DUSP3: variants seen among roughly 807,000 people sequenced by gnomAD.
DUSP3 encodes dual specificity phosphatase 3.
A neutral mutation model predicts 15.5 loss-of-function variants in DUSP3; 7 were observed. The observed-to-expected ratio is 0.45, with a 90% confidence interval of 0.26 to 0.85. The LOEUF is 0.85. DUSP3 is among the 40% of genes least tolerant of loss of function. The pLI is 0.18. For synonymous variants in DUSP3, 86 were observed against 104.2 expected, an observed-to-expected ratio of 0.83 and a Z score of 1.07; for missense variants, 209 against 251.7, an observed-to-expected ratio of 0.83 and a Z score of 1.15.
rs1363780503 is a variant in DUSP3 at position 43,766,719 on chromosome 17, G to C, written c.*2890C>G. On this transcript the variant is annotated 3_prime_UTR_variant, in exon 3 of 3. Coordinates refer to ENST00000226004, the MANE Select transcript of DUSP3 (RefSeq NM_004090.4). Reference sequence around the variant, plus strand: ...AAAAGGGGACCTTAGAGGTCTTCTAGATGAGTCCCCTCATTTGTAGGTGGT... The same window carrying C: ...AAAAGGGGACCTTAGAGGTCTTCTACATGAGTCCCCTCATTTGTAGGTGGT... The C allele has an allele frequency of 6.6e-6, 1 of 152,502 alleles. No homozygotes were observed. The highest frequency in any genetic ancestry group is 2.4e-5 in the African/African-American group (1 of 41,436). The allele number at this position is 152,502 out of a possible 1,614,324, so 9.4% of individuals were successfully genotyped here. A position where few individuals can be genotyped will look rare whatever the true frequency, so the allele number is the denominator to read the frequency against.
rs1269509846 is a variant in DUSP3, at chr17:43,766,464, A to G, written c.*3145T>C. The G allele has an allele frequency of 6.6e-6, 1 of 152,312 alleles. No homozygotes were observed. The highest frequency in any genetic ancestry group is 2.4e-5 in the African/African-American group (1 of 41,458). The allele number at this position is 152,312 out of a possible 1,614,324, so 9.4% of individuals were successfully genotyped here. ...GTGAAAAAGAAAATTTCCTGCGAGA[A>G]AAGCTCATGTCTTCATATTGAAGAT... On this transcript the variant is annotated 3_prime_UTR_variant, in exon 3 of 3. Coordinates refer to ENST00000226004, the MANE Select transcript of DUSP3 (RefSeq NM_004090.4).
rs543045625 is a variant in DUSP3 at position 43,768,522 on chromosome 17, G to C, written c.*1087C>G. The C allele has an allele frequency of 3.3e-5, 5 of 152,306 alleles. No homozygotes were observed. Among genetic ancestry groups the C allele is most frequent in the African/African-American group, 1.2e-4 (5 of 41,534 alleles). 9.4% of individuals were successfully genotyped at this position (152,306 alleles called of 1,614,324 possible). A position where few individuals can be genotyped will look rare whatever the true frequency, so the allele number is the denominator to read the frequency against. ...CCGTGCTGGCACCAGAGAGCTGTAA[G>C]AGCCACCTGCAATGGGCAGGGTGTG... On this transcript the variant is annotated 3_prime_UTR_variant, in exon 3 of 3. Coordinates refer to ENST00000226004, the MANE Select transcript of DUSP3 (RefSeq NM_004090.4).
At chr17:43,774,064 A>G (rs1185249294) in intron 2 of DUSP3, 1 of 220,898 alleles carries the variant, frequency 4.5e-6, no homozygotes, top group Non-Finnish European at 9.0e-6. Flanking sequence ...GTGAGCCAAG[A>G]TCGCGCCATT....
chr17:43,777,570 C>T (rs559545746), intron 1 of DUSP3: 1 of 455,726 alleles, frequency 2.2e-6, no homozygotes, highest in South Asian at 1.5e-5. Flanking sequence ...CCCTCACACA[C>T]TCTGAGCCAC....
At chr17:43,777,780 ACACTGGTTCT>A (rs1974407612) in intron 1 of DUSP3, 2 of 225,966 alleles carry the variant, frequency 8.9e-6, no homozygotes, top group Admixed American at 5.1e-5. Flanking sequence ...CAGAATGTTA[ACACTGGTTCT>A]TTCCTGCTGA....
intron 2 of DUSP3, 43 bp from the exon 3 acceptor site, chr17:43,769,857 T>A (rs780745582): frequency 1.2e-6 from 2 of 1,605,066 alleles, no homozygotes; most frequent in East Asian, 4.5e-5. Flanking sequence ...GGGCGTCCCA[T>A]CACACCATGG....
At chr17:43,771,974 T>C (rs149263193) in intron 2 of DUSP3, among the ~76,000 whole-genome samples, 1,476 of 145,310 alleles carry the variant, frequency 0.01, 20 homozygotes, top group African/African-American at 0.035. Context: ...TGAGCCACTG[T>C]ACTCCAGCCT....
At position 43,767,948 on chromosome 17, in the gene DUSP3, A is replaced by G. The variant is rs1974261196; in HGVS notation, c.*1661T>C. ...TCCTGGCCAACTCTGAAAAAGGCACATTCCCTACCTTGGCATATTAACACT... is the reference window on the plus strand; with the variant it reads ...TCCTGGCCAACTCTGAAAAAGGCACGTTCCCTACCTTGGCATATTAACACT... On this transcript the variant is annotated 3_prime_UTR_variant, in exon 3 of 3. Coordinates refer to ENST00000226004, the MANE Select transcript of DUSP3 (RefSeq NM_004090.4). 1 of 152,150 alleles carries G rather than the reference A, an allele frequency of 6.6e-6. No individual in the cohort carries two copies. The highest frequency in any genetic ancestry group is 2.4e-5 in the African/African-American group (1 of 41,416). 9.4% of individuals were successfully genotyped at this position (152,150 alleles called of 1,614,324 possible). A position where few individuals can be genotyped will look rare whatever the true frequency, so the allele number is the denominator to read the frequency against.
chr17:43,778,720 C>A, intron 1 of DUSP3, 80 bp downstream of exon 1: 2 of 1,394,956 alleles, frequency 1.4e-6, no homozygotes, highest in Non-Finnish European at 1.9e-6. Context: ...ACCCAAGACT[C>A]GCGACACCCC....
At chr17:43,771,775 G>A (rs916529631) in intron 2 of DUSP3, among the ~76,000 whole-genome samples, 5 of 152,134 alleles carry the variant, frequency 3.3e-5, no homozygotes, top group Admixed American at 3.3e-4. Flanking sequence ...TTGGGAGGTC[G>A]AGGTGGGCGG....
chr17:43,778,648 C>G (rs550170782), intron 1 of DUSP3, 152 bp downstream of exon 1: 1 of 1,114,320 alleles, frequency 9.0e-7, no homozygotes, highest in Non-Finnish European at 1.2e-6. Context: ...GGCGTCGACT[C>G]CAGGCCCCTC....
Position 43,773,625 on chromosome 17 carries a change from C to G in DUSP3, c.352+1087G>C, listed in dbSNP as rs1974345597. On this transcript the variant is annotated intron_variant, in intron 2 of 2. Coordinates refer to ENST00000226004, the MANE Select transcript of DUSP3 (RefSeq NM_004090.4). Reference sequence around the variant, plus strand: ...GCCAGGCAATCACGTGAATCTCTAGCCAATGAGATGTGAGGGGTATTTCTG... The same window carrying G: ...GCCAGGCAATCACGTGAATCTCTAGGCAATGAGATGTGAGGGGTATTTCTG... Among the ~76,000 whole-genome samples, 3 of 152,124 alleles carry G rather than the reference C, an allele frequency of 2.0e-5. No homozygotes were observed. In the South Asian group the frequency reaches 6.2e-4, roughly 31 times the overall value.
At chr17:43,771,435 C>G (rs929449443) in intron 2 of DUSP3, among the ~76,000 whole-genome samples, 1 of 152,074 alleles carries the variant, frequency 6.6e-6, no homozygotes, top group African/African-American at 2.4e-5. Flanking sequence ...GAATCCTGAC[C>G]AATACACTGG....
chr17:43,775,998 C>T (rs1974383269), intron 1 of DUSP3, among the ~76,000 whole-genome samples: 1 of 152,132 alleles, frequency 6.6e-6, no homozygotes, highest in Non-Finnish European at 1.5e-5. Context: ...GTAATCCCAG[C>T]TACTCTGGGA....
At chr17:43,771,696 C>T (rs531721909) in intron 2 of DUSP3, among the ~76,000 whole-genome samples, 1 of 151,812 alleles carries the variant, frequency 6.6e-6, no homozygotes, top group East Asian at 1.9e-4. Flanking sequence ...CTTTTCTCTC[C>T]CAGAGGACGA....
intron 2 of DUSP3, 89 bp from the exon 3 acceptor site, chr17:43,769,903 A>C: frequency 7.2e-7 from 1 of 1,382,572 alleles, no homozygotes; most frequent in Non-Finnish European, 1.0e-6. Context: ...TGCCACTTAA[A>C]AGCACAATGT....
At chr17:43,777,774 A>T (rs909827646) in intron 1 of DUSP3, 2 of 235,010 alleles carry the variant, frequency 8.5e-6, no homozygotes, top group African/African-American at 4.5e-5. Flanking sequence ...ACATCTCAGA[A>T]TGTTAACACT....
intron 2 of DUSP3, among the ~76,000 whole-genome samples, chr17:43,774,381 A>G (rs557766868): frequency 2.8e-4 from 43 of 152,288 alleles, no homozygotes; most frequent in African/African-American, 9.9e-4. Context: ...ACTTCTTGCC[A>G]TGCACATTAA....
rs1405748012 is a variant in DUSP3, at chr17:43,766,338, T to C, written c.*3271A>G. ...AGTTAAGCTTCCAACGAATCTGTTC[T>C]CTCAACCGGAAATGTCTTCTATTTC... On this transcript the variant is annotated 3_prime_UTR_variant, in exon 3 of 3. Coordinates refer to ENST00000226004, the MANE Select transcript of DUSP3 (RefSeq NM_004090.4). 6.6e-6 allele frequency: 1 copy of C among 152,234 alleles called. No homozygotes were observed. Among genetic ancestry groups the C allele is most frequent in the East Asian group, 1.9e-4 (1 of 5,202 alleles). 9.4% of individuals were successfully genotyped at this position (152,234 alleles called of 1,614,324 possible).
Sources: gnomAD v4.1 joint callset for allele counts (sites outside exome capture counted in the v4.1 genomes callset) on GRCh38, gnomAD v4.1.1 for gene constraint, MANE v1.5 for transcripts, NCBI Gene and HGNC (gene_info 2026-07-23, HGNC 2026-07-21) for gene names.